RAB7A: variants seen among roughly 807,000 people sequenced by gnomAD.
RAB7A encodes the protein RAB7A, member RAS oncogene family, also known as ras-related protein Rab-7a.
Under a neutral mutation model 24.5 loss-of-function variants are expected in RAB7A, and 2 were observed. The observed-to-expected ratio is 0.08, with a 90% confidence interval of 0.03 to 0.26. The LOEUF is 0.26. Among genes scored for constraint, RAB7A ranks in the 10% least tolerant of loss-of-function variants. The pLI is 1.00. For synonymous variants in RAB7A, 100 were observed against 95.9 expected, an observed-to-expected ratio of 1.04 and a Z score of -0.25; for missense variants, 118 against 255.7, an observed-to-expected ratio of 0.46 and a Z score of 3.67.
chr3:128,801,720 A>G (rs183716418), intron 3 of RAB7A, among the ~76,000 whole-genome samples: 4 of 152,214 alleles, frequency 2.6e-5, no homozygotes, highest in Non-Finnish European at 5.9e-5. Flanking sequence ...ACTTTTAATC[A>G]GTCTCAGAAG....
intron 1 of RAB7A, among the ~76,000 whole-genome samples, chr3:128,768,165 T>G (rs1200749493): frequency 1.3e-5 from 2 of 152,242 alleles, no homozygotes; most frequent in Non-Finnish European, 2.9e-5. Flanking sequence ...ATGGGATCTG[T>G]ATATATACTT....
chr3:128,762,195 A>G (rs2070780684), intron 1 of RAB7A, among the ~76,000 whole-genome samples: 1 of 152,222 alleles, frequency 6.6e-6, no homozygotes, highest in South Asian at 2.1e-4. Context: ...TTGTGCTGGC[A>G]GTGTTGAACT....
chr3:128,726,610 G>A (rs2070381246), intron 1 of RAB7A, among the ~76,000 whole-genome samples: 1 of 152,188 alleles, frequency 6.6e-6, no homozygotes, highest in Non-Finnish European at 1.5e-5. Context: ...CGGACGCTCT[G>A]TTTACTGTTG....
intron 1 of RAB7A, among the ~76,000 whole-genome samples, chr3:128,784,154 C>T (rs955209831): frequency 1.3e-5 from 2 of 152,182 alleles, no homozygotes; most frequent in African/African-American, 2.4e-5. Flanking sequence ...AACTAAATAC[C>T]ACTGTATCTT....
intron 1 of RAB7A, among the ~76,000 whole-genome samples, chr3:128,752,738 C>CTTT (rs11421152): frequency 3.0e-5 from 4 of 134,284 alleles, no homozygotes; most frequent in African/African-American, 8.1e-5. Context: ...AGCTTTTCCT[C>CTTT]TTTTTTTTTT....
At chr3:128,778,380 G>A (rs1455438967) in intron 1 of RAB7A, among the ~76,000 whole-genome samples, 1 of 151,990 alleles carries the variant, frequency 6.6e-6, no homozygotes. Flanking sequence ...CTGCTTCAAT[G>A]AAATTTTAAT....
chr3:128,763,188 TTATATA>T (rs765866649), intron 1 of RAB7A, among the ~76,000 whole-genome samples: 3 of 82,118 alleles, frequency 3.7e-5, no homozygotes, highest in African/African-American at 4.9e-5. Flanking sequence ...TACATTTAGC[TTATATA>T]TATATATATA....
Position 128,813,952 on chromosome 3 carries a change from G to T in RAB7A, c.*530G>T, listed in dbSNP as rs1933984156. Reference sequence around the variant, plus strand: ...ACCCAGTCTGATCAGGCTGAGTTTTGTATGTATCTATCTGTTAATGCTTGT... The same window carrying T: ...ACCCAGTCTGATCAGGCTGAGTTTTTTATGTATCTATCTGTTAATGCTTGT... On this transcript the variant is annotated 3_prime_UTR_variant, in exon 6 of 6. Transcript: ENST00000265062. 5.6e-6 allele frequency: 1 copy of T among 179,834 alleles called. No individual in the cohort carries two copies. Among genetic ancestry groups the T allele is most frequent in the Non-Finnish European group, 1.2e-5 (1 of 82,490 alleles). The allele number at this position is 179,834 out of a possible 1,614,324, so 11.1% of individuals were successfully genotyped here.
At chr3:128,811,001 C>T (rs369353768) in intron 5 of RAB7A, among the ~76,000 whole-genome samples, 3 of 152,104 alleles carry the variant, frequency 2.0e-5, no homozygotes, top group African/African-American at 7.2e-5. Context: ...TTGCAGTGAG[C>T]CGAGATTGCA....
At chr3:128,761,976 T>C (rs538453536) in intron 1 of RAB7A, among the ~76,000 whole-genome samples, 1 of 152,360 alleles carries the variant, frequency 6.6e-6, no homozygotes, top group South Asian at 2.1e-4. Context: ...CTGGACTTGG[T>C]ACCATGTTTG....
chr3:128,751,994 T>G (rs1048036105), intron 1 of RAB7A, among the ~76,000 whole-genome samples: 1 of 152,188 alleles, frequency 6.6e-6, no homozygotes, highest in Non-Finnish European at 1.5e-5. Flanking sequence ...GACTTGCTCC[T>G]CCTTGCCCTC....
intron 1 of RAB7A, among the ~76,000 whole-genome samples, chr3:128,732,018 G>A (rs2070443154): frequency 7.0e-6 from 1 of 143,802 alleles, no homozygotes; most frequent in African/African-American, 2.5e-5. Flanking sequence ...AAAAAAAAAA[G>A]TGTCTCTTTC....
intron 1 of RAB7A, among the ~76,000 whole-genome samples, chr3:128,793,404 C>T (rs1012489573): frequency 4.6e-5 from 7 of 151,348 alleles, no homozygotes; most frequent in Non-Finnish European, 1.0e-4. Flanking sequence ...CCACCCACCT[C>T]GGGCCTCCCA....
chr3:128,812,887 G>A (rs560706910), intron 5 of RAB7A, among the ~76,000 whole-genome samples: 48 of 152,306 alleles, frequency 3.2e-4, no homozygotes, highest in South Asian at 2.1e-4. Context: ...ACTTCACCTC[G>A]TGCACACACT....
chr3:128,793,538 C>A (rs1933506360), intron 1 of RAB7A, among the ~76,000 whole-genome samples: 1 of 152,212 alleles, frequency 6.6e-6, no homozygotes, highest in Non-Finnish European at 1.5e-5. Flanking sequence ...CCTACCTTGG[C>A]CTCCCCTTCT....
At chr3:128,729,922 G>A (rs1220995219) in intron 1 of RAB7A, among the ~76,000 whole-genome samples, 1 of 152,132 alleles carries the variant, frequency 6.6e-6, no homozygotes, top group Non-Finnish European at 1.5e-5. Flanking sequence ...TTCTGAAGGC[G>A]ACTGAAACTC....
intron 1 of RAB7A, among the ~76,000 whole-genome samples, chr3:128,747,325 G>A (rs1314245770): frequency 2.0e-5 from 3 of 148,742 alleles, no homozygotes; most frequent in African/African-American, 7.5e-5. Context: ...AGTGGCTCAC[G>A]CCTGTAATCC....
intron 1 of RAB7A, among the ~76,000 whole-genome samples, chr3:128,790,301 A>G (rs905176712): frequency 4.6e-5 from 7 of 152,250 alleles, no homozygotes; most frequent in Non-Finnish European, 7.3e-5. Flanking sequence ...CTGCATTTAA[A>G]TGTAATTTGT....
At chr3:128,805,688 T>C (rs1933787943) in intron 3 of RAB7A, among the ~76,000 whole-genome samples, 1 of 152,200 alleles carries the variant, frequency 6.6e-6, no homozygotes, top group African/African-American at 2.4e-5. Flanking sequence ...GTTTCGCTCT[T>C]ATCACCCAGG....
Sources: allele counts gnomAD v4.1 joint callset (sites outside exome capture counted in the v4.1 genomes callset), GRCh38; gene constraint gnomAD v4.1.1; transcripts MANE v1.5; gene names NCBI Gene and HGNC (gene_info 2026-07-23, HGNC 2026-07-21).